DLG2: variants seen among roughly 807,000 people sequenced by gnomAD.
DLG2 encodes discs large MAGUK scaffold protein 2.
A neutral mutation model predicts 132.5 loss-of-function variants in DLG2; 45 were observed. That is an observed-to-expected ratio of 0.34 (90% CI 0.27 to 0.44). The LOEUF (loss-of-function observed/expected upper bound fraction) is 0.44, where lower values mean the gene tolerates loss of function less well. Among genes scored for constraint, DLG2 ranks in the 20% least tolerant of loss-of-function variants. The pLI, the probability that DLG2 is intolerant of heterozygous loss-of-function variation, is 1.00. For synonymous variants in DLG2, 424 were observed against 419.6 expected, an observed-to-expected ratio of 1.01 and a Z score of -0.13; for missense variants, 1,045 against 1,196.9, an observed-to-expected ratio of 0.87 and a Z score of 1.87.
chr11:84,666,034 C>A (rs1293690378), intron 6 of DLG2, among the ~76,000 whole-genome samples: 1 of 152,168 alleles, frequency 6.6e-6, no homozygotes, highest in African/African-American at 2.4e-5. Flanking sequence ...CTCCCCTCCC[C>A]TATAGGCATC....
intron 6 of DLG2, among the ~76,000 whole-genome samples, chr11:84,559,302 A>G (rs2099418430): frequency 6.6e-6 from 1 of 152,156 alleles, no homozygotes; most frequent in African/African-American, 2.4e-5. Context: ...CAGAAGATAC[A>G]GCTTCTGCCA....
At chr11:85,436,333 T>C (rs538867405) in intron 3 of DLG2, among the ~76,000 whole-genome samples, 5 of 152,188 alleles carry the variant, frequency 3.3e-5, no homozygotes, top group Non-Finnish European at 7.4e-5. Flanking sequence ...ACTAAAGAGC[T>C]TCTGCACAGC....
chr11:85,304,513 C>T (rs1433191698), intron 3 of DLG2, among the ~76,000 whole-genome samples: 5 of 152,052 alleles, frequency 3.3e-5, no homozygotes, highest in Non-Finnish European at 5.9e-5. Flanking sequence ...CATCCCAAAT[C>T]CCAAAATCTG....
chr11:83,471,865 C>G (rs961255937), intron 23 of DLG2, 138 bp from the exon 24 acceptor site: 1 of 682,422 alleles, frequency 1.5e-6, no homozygotes, highest in Middle Eastern at 3.0e-4. Flanking sequence ...ATTACTCATA[C>G]AGCCTTGCAT....
At chr11:84,086,069 TG>T (rs1264934705) in intron 10 of DLG2, among the ~76,000 whole-genome samples, 2 of 152,214 alleles carry the variant, frequency 1.3e-5, no homozygotes, top group Non-Finnish European at 2.9e-5. Flanking sequence ...TTGTGATATT[TG>T]CTTGTTTAAA....
At chr11:84,390,482 A>C (rs1283580783) in intron 7 of DLG2, among the ~76,000 whole-genome samples, 6 of 152,150 alleles carry the variant, frequency 3.9e-5, no homozygotes, top group Admixed American at 3.9e-4. Flanking sequence ...TTAATCCTGT[A>C]AACTGTTGGC....
At chr11:84,317,201 C>T in intron 7 of DLG2, 4 of 1,541,326 alleles carry the variant, frequency 2.6e-6, no homozygotes, top group Non-Finnish European at 3.5e-6. Flanking sequence ...ATGTCTCCTC[C>T]CTCACACCCC....
At chr11:83,874,311 G>A (rs1282983403) in intron 16 of DLG2, 109 bp downstream of exon 16, 2 of 595,312 alleles carry the variant, frequency 3.4e-6, no homozygotes, top group Non-Finnish European at 5.3e-6. Flanking sequence ...AAGGAAAGAA[G>A]GAAGGGAGGG....
chr11:85,206,347 A>G (rs958460689), intron 4 of DLG2, among the ~76,000 whole-genome samples: 3 of 152,156 alleles, frequency 2.0e-5, no homozygotes, highest in Non-Finnish European at 4.4e-5. Context: ...AGACTAATAC[A>G]TAGTAGAAAG....
At chr11:84,512,926 G>T (rs2099261229) in intron 7 of DLG2, among the ~76,000 whole-genome samples, 2 of 151,946 alleles carry the variant, frequency 1.3e-5, no homozygotes, top group Non-Finnish European at 2.9e-5. Context: ...TCATAAGTGG[G>T]AGTTGAATGA....
At chr11:84,973,536 A>G (rs2054412592) in intron 6 of DLG2, among the ~76,000 whole-genome samples, 1 of 152,186 alleles carries the variant, frequency 6.6e-6, no homozygotes, top group African/African-American at 2.4e-5. Context: ...AGGTAATCCG[A>G]GTTACAATTT....
intron 10 of DLG2, among the ~76,000 whole-genome samples, chr11:84,084,074 G>A (rs1289505345): frequency 6.6e-6 from 1 of 152,012 alleles, no homozygotes; most frequent in African/African-American, 2.4e-5. Flanking sequence ...TACCTCTAAG[G>A]GTTGACAGTG....
chr11:84,105,192 A>G (rs2092816598), intron 9 of DLG2, among the ~76,000 whole-genome samples: 1 of 152,220 alleles, frequency 6.6e-6, no homozygotes, highest in African/African-American at 2.4e-5. Context: ...TATCAGTATC[A>G]TGAAAATATT....
At chr11:84,237,954 A>G (rs964627124) in intron 8 of DLG2, among the ~76,000 whole-genome samples, 2 of 151,200 alleles carry the variant, frequency 1.3e-5, no homozygotes, top group African/African-American at 4.9e-5. Flanking sequence ...AGGCAAGAGA[A>G]TCGCTTGAAC....
chr11:84,142,906 A>T (rs73515766), intron 9 of DLG2, among the ~76,000 whole-genome samples: 20,400 of 152,030 alleles, frequency 0.13, 2,379 homozygotes, highest in African/African-American at 0.31. Flanking sequence ...CCATAATTAC[A>T]TAAGCCAATT....
intron 14 of DLG2, among the ~76,000 whole-genome samples, chr11:83,945,558 T>C (rs2083631802): frequency 6.6e-6 from 1 of 152,162 alleles, no homozygotes; most frequent in African/African-American, 2.4e-5. Flanking sequence ...TATTATATAT[T>C]TGGATTTAAA....
intron 9 of DLG2, among the ~76,000 whole-genome samples, chr11:84,110,273 C>A (rs1441594771): frequency 6.6e-6 from 1 of 152,102 alleles, no homozygotes; most frequent in Admixed American, 6.6e-5. Flanking sequence ...AAGCGATAAC[C>A]TGCCATTCAG....
chr11:84,350,012 C>A (rs1567365834), intron 7 of DLG2, among the ~76,000 whole-genome samples: 1 of 151,920 alleles, frequency 6.6e-6, no homozygotes, highest in Non-Finnish European at 1.5e-5. Flanking sequence ...CCCGTCTCTA[C>A]TAAAAATACA....
At chr11:85,104,439 G>GA (rs1163606681) in intron 6 of DLG2, among the ~76,000 whole-genome samples, 5 of 151,858 alleles carry the variant, frequency 3.3e-5, no homozygotes, top group African/African-American at 7.2e-5. Flanking sequence ...CAGGCTAAGT[G>GA]AAAAAAGCCG....
Sources: gnomAD v4.1 joint callset for allele counts (sites outside exome capture counted in the v4.1 genomes callset) on GRCh38, gnomAD v4.1.1 for gene constraint, MANE v1.5 for transcripts, NCBI Gene and HGNC (gene_info 2026-07-23, HGNC 2026-07-21) for gene names.